The following POR variants were observed in gnomAD, a reference collection of about 807,000 sequenced individuals.
POR encodes the protein cytochrome p450 oxidoreductase, also known as NADPH--cytochrome P450 reductase.
POR carries 56 observed loss-of-function variants against 84.0 expected under a neutral mutation model. That is an observed-to-expected ratio of 0.67 (90% CI 0.54 to 0.83). POR has a LOEUF of 0.83. Among genes scored for constraint, POR ranks in the 40% least tolerant of loss-of-function variants. POR has a pLI of 0.00. For missense variants in POR, 938 were observed against 944.3 expected (o/e 0.99, Z 0.09); for synonymous variants, 414 against 400.5 (o/e 1.03, Z -0.40).
Position 75,980,366 on chromosome 7 carries a change from G to A in POR, c.394G>A (p.Asp132Asn), listed in dbSNP as rs554865831. 8.7e-6 allele frequency: 14 copies of A among 1,613,076 alleles called. No homozygotes were observed. In the African/African-American group the frequency reaches 1.5e-4, roughly 17 times the overall value. The stretch of plus-strand genomic sequence containing the variant: ...CGACCTGAGCAGCCTGCCAGAGATC[G>A]ACAACGCCCTGGTGGTTTTCTGCAT... Residue 132 changes from aspartate to asparagine, a missense_variant, in exon 5 of 16, where the codon GAC (aspartate) becomes AAC (asparagine). Physicochemically the swap from Asp to Asn is conservative, Grantham distance 23. Coordinates refer to ENST00000461988, the MANE Select transcript of POR (RefSeq NM_000941.3).
chr7:75,927,327 G>A (rs1324261982), intron 1 of POR, among the ~76,000 whole-genome samples: 1 of 152,012 alleles, frequency 6.6e-6, no homozygotes, highest in South Asian at 2.1e-4. Flanking sequence ...GCAACATGGC[G>A]AAACCCCGTA....
Position 75,978,067 on chromosome 7 carries a change from T to G in POR, c.238-1384T>G, listed in dbSNP as rs1242141594. On this transcript the variant is annotated intron_variant, in intron 3 of 15. Coordinates refer to ENST00000461988, the MANE Select transcript of POR (RefSeq NM_000941.3). ...CTAGGACCTTTCCCTGTTGTAAAAT[T>G]TTATAATGAATATGTATTTAACCAG... Among the ~76,000 whole-genome samples, 9 of 152,314 alleles carry G rather than the reference T, an allele frequency of 5.9e-5. No individual in the cohort carries two copies. The East Asian group carries it at 1.7e-3, about 29-fold the overall frequency.
intron 1 of POR, among the ~76,000 whole-genome samples, chr7:75,952,721 A>T (rs1787499115): frequency 7.0e-6 from 1 of 142,582 alleles, no homozygotes; most frequent in African/African-American, 2.7e-5. Context: ...ATCTCAGACG[A>T]TGGGCGGCCA....
chr7:75,933,550 G>C (rs1477102776), intron 1 of POR, among the ~76,000 whole-genome samples: 1 of 151,526 alleles, frequency 6.6e-6, no homozygotes, highest in East Asian at 1.9e-4. Flanking sequence ...CACCACGCCT[G>C]GCTAATTTTT....
rs782054814 is a variant in POR at position 75,953,964 on chromosome 7, A to G, written c.-4-25A>G. ...GGGCACCCTGCTACCCTCTGCTGACATCTGCTGTTTCTGTCTCCTAACAGT... is the reference window on the plus strand; with the variant it reads ...GGGCACCCTGCTACCCTCTGCTGACGTCTGCTGTTTCTGTCTCCTAACAGT... On this transcript the variant is annotated intron_variant, in intron 1 of 15. Coordinates refer to ENST00000461988, the MANE Select transcript of POR (RefSeq NM_000941.3). 3 of 1,537,788 alleles carry G rather than the reference A, an allele frequency of 2.0e-6. No individual in the cohort carries two copies. The South Asian group carries it at 3.6e-5, about 18-fold the overall frequency.
intron 1 of POR, among the ~76,000 whole-genome samples, chr7:75,943,255 C>T (rs561999309): frequency 6.6e-6 from 1 of 151,652 alleles, no homozygotes; most frequent in Non-Finnish European, 1.5e-5. Context: ...CCGGCCCTCT[C>T]TTTTTTTATT....
intron 2 of POR, among the ~76,000 whole-genome samples, chr7:75,964,458 C>G (rs530089151): frequency 2.6e-5 from 4 of 152,144 alleles, no homozygotes; most frequent in Non-Finnish European, 5.9e-5. Context: ...CAGGCGCCTG[C>G]CACCACACCC....
chr7:75,937,206 A>G (rs1807737078), intron 1 of POR, among the ~76,000 whole-genome samples: 1 of 151,068 alleles, frequency 6.6e-6, no homozygotes, highest in East Asian at 2.0e-4. Flanking sequence ...CTGCAATCCC[A>G]GCACTTGGGA....
chr7:75,918,722 A>G (rs778578849), intron 1 of POR: 1 of 152,170 alleles, frequency 6.6e-6, no homozygotes, highest in Admixed American at 6.6e-5. Flanking sequence ...TTCATTCTCA[A>G]GATGATGGGG....
intron 1 of POR, among the ~76,000 whole-genome samples, chr7:75,931,201 G>A (rs566010367): frequency 6.6e-6 from 1 of 152,210 alleles, no homozygotes; most frequent in South Asian, 2.1e-4. Context: ...ACAAAATGTG[G>A]TATATCCATA....
At chr7:75,962,704 A>C (rs1388376104) in intron 2 of POR, among the ~76,000 whole-genome samples, 1 of 152,078 alleles carries the variant, frequency 6.6e-6, no homozygotes, top group Non-Finnish European at 1.5e-5. Context: ...ACATTTCATC[A>C]CTCCGAAACA....
chr7:75,923,041 G>A lies in POR; in HGVS notation c.-5+7862G>A. Reference sequence around the variant, plus strand: ...CTTTGTTGTACGCGTCGAAAGGATTGATGGTGTGAGTTTACTGGTGCGGAG... The same window carrying A: ...CTTTGTTGTACGCGTCGAAAGGATTAATGGTGTGAGTTTACTGGTGCGGAG... On this transcript the variant is annotated intron_variant, in intron 1 of 15. Coordinates refer to ENST00000461988, the MANE Select transcript of POR (RefSeq NM_000941.3). The A allele has an allele frequency of 4.4e-6, 3 of 680,952 alleles. No individual in the cohort carries two copies. In the Admixed American group the frequency reaches 6.2e-5, roughly 14 times the overall value. The allele number at this position is 680,952 out of a possible 1,614,324, so 42.2% of individuals were successfully genotyped here.
intron 7 of POR, 111 bp from the exon 8 acceptor site, chr7:75,982,113 C>A: frequency 1.3e-6 from 1 of 770,560 alleles, no homozygotes; most frequent in Non-Finnish European, 2.3e-6. Flanking sequence ...GTCGTATGTA[C>A]CTGGGACCTC....
At chr7:75,960,447 G>A (rs1381370949) in intron 2 of POR, among the ~76,000 whole-genome samples, 1 of 152,138 alleles carries the variant, frequency 6.6e-6, no homozygotes, top group Non-Finnish European at 1.5e-5. Context: ...TGAGTAGCTG[G>A]GGTGACGGGC....
At chr7:75,925,497 C>T (rs1406112351) in intron 1 of POR, among the ~76,000 whole-genome samples, 21 of 152,168 alleles carry the variant, frequency 1.4e-4, no homozygotes, top group Non-Finnish European at 2.9e-5. Context: ...GACACTGCAG[C>T]CTGGGTGATG....
Position 75,961,540 on chromosome 7 carries a change from A to G in POR, c.188+7360A>G, listed in dbSNP as rs187792374. Reference sequence around the variant, plus strand: ...AAGCTTCTTATGGAACATTTCAAACACCAGAGTGTAGGGCACAGGAGAGTG... The same window carrying G: ...AAGCTTCTTATGGAACATTTCAAACGCCAGAGTGTAGGGCACAGGAGAGTG... On this transcript the variant is annotated intron_variant, in intron 2 of 15. Transcript: ENST00000461988. 3.4e-3 allele frequency among the ~76,000 whole-genome samples: 520 copies of G among 152,178 alleles called. 6 individuals are homozygous for G. The highest frequency in any genetic ancestry group is 2.5e-3 in the Non-Finnish European group (171 of 68,000).
chr7:75,970,345 G>A (rs1461878415), intron 2 of POR, among the ~76,000 whole-genome samples: 6 of 151,606 alleles, frequency 4.0e-5, no homozygotes, highest in Non-Finnish European at 7.4e-5. Context: ...GCTGGAACCC[G>A]GGTGTTTGAA....
chr7:75,980,398 C>T lies in POR; in HGVS notation c.426C>T (p.Thr142=), dbSNP rs1554557540. 9 of 1,613,192 alleles carry T rather than the reference C, an allele frequency of 5.6e-6. No homozygotes were observed. The highest frequency in any genetic ancestry group is 2.2e-5 in the South Asian group (2 of 91,078). ...CCCTGGTGGTTTTCTGCATGGCCAC[C>T]TACGGTGAGGGAGACCCCACCGACA... Residue 142 remains threonine, a synonymous_variant, in exon 5 of 16, where the codon ACC becomes ACT. Coordinates refer to ENST00000461988, the MANE Select transcript of POR (RefSeq NM_000941.3).
At chr7:75,983,464 CGG>C (rs1789184829) in intron 8 of POR, 54 bp from the exon 9 acceptor site, 12 of 1,278,124 alleles carry the variant, frequency 9.4e-6, no homozygotes, top group East Asian at 2.3e-5. Flanking sequence ...TCCTTGGAGA[CGG>C]AGACTCAGAT....
Sources: gnomAD v4.1 joint callset for allele counts (sites outside exome capture counted in the v4.1 genomes callset) on GRCh38, gnomAD v4.1.1 for gene constraint, MANE v1.5 for transcripts, NCBI Gene and HGNC (gene_info 2026-07-23, HGNC 2026-07-21) for gene names.